BCL2L1: variants seen among roughly 807,000 people sequenced by gnomAD.
BCL2L1 encodes BCL2 like 1, also known as bcl-2-like protein 1.
In BCL2L1, 1 loss-of-function variant was observed where a neutral mutation model predicts 18.7. That is an observed-to-expected ratio of 0.05 (90% confidence interval 0.02 to 0.25). BCL2L1 has a LOEUF of 0.25. Among genes scored for constraint, BCL2L1 ranks in the 10% least tolerant of loss-of-function variants. The probability of loss-of-function intolerance (pLI) is 1.00; values close to 1 mark genes in which losing one functional copy is unlikely to be tolerated. For synonymous variants in BCL2L1, 103 were observed against 122.7 expected (o/e 0.84, Z 1.06); for missense variants, 207 against 304.9 (o/e 0.68, Z 2.39).
At chr20:31,721,511 T>A in intron 2 of BCL2L1, 144 bp downstream of exon 2, 1 of 966,630 alleles carries the variant, frequency 1.0e-6, no homozygotes, top group South Asian at 1.8e-5. Flanking sequence ...CCTCTTGTGG[T>A]GAAATGAGGC....
At chr20:31,687,797 G>A (rs1486601756) in intron 2 of BCL2L1, among the ~76,000 whole-genome samples, 4 of 152,102 alleles carry the variant, frequency 2.6e-5, no homozygotes, top group African/African-American at 9.7e-5. Flanking sequence ...CTTCCAGGCT[G>A]GCTGTTTTGT....
At chr20:31,712,893 T>C (rs2061475540) in intron 2 of BCL2L1, among the ~76,000 whole-genome samples, 1 of 152,138 alleles carries the variant, frequency 6.6e-6, no homozygotes, top group African/African-American at 2.4e-5. Flanking sequence ...ATTCCTCAGA[T>C]GATTGTCCAA....
chr20:31,676,498 C>T (rs966732314), intron 2 of BCL2L1, among the ~76,000 whole-genome samples: 4 of 152,078 alleles, frequency 2.6e-5, no homozygotes, highest in Non-Finnish European at 5.9e-5. Context: ...CCTGGGATTC[C>T]GATGCCTCCC....
At chr20:31,669,572 C>A (rs1326208936) in intron 2 of BCL2L1, among the ~76,000 whole-genome samples, 1 of 151,750 alleles carries the variant, frequency 6.6e-6, no homozygotes, top group Non-Finnish European at 1.5e-5. Flanking sequence ...CCTGCCTCAG[C>A]CCCCCGAGTA....
intron 2 of BCL2L1, among the ~76,000 whole-genome samples, chr20:31,683,694 G>A (rs1473778612): frequency 4.9e-5 from 7 of 142,194 alleles, no homozygotes; most frequent in African/African-American, 1.5e-4. Context: ...GCTTGAACCC[G>A]GGAGTCAGAG....
intron 2 of BCL2L1, among the ~76,000 whole-genome samples, chr20:31,711,874 G>GA (rs2122781432): frequency 6.6e-6 from 1 of 152,336 alleles, no homozygotes; most frequent in Admixed American, 6.5e-5. Context: ...GAATAATCAT[G>GA]ACAATACAGA....
chr20:31,667,288 C>G (rs1185264711), intron 2 of BCL2L1, among the ~76,000 whole-genome samples: 2 of 152,106 alleles, frequency 1.3e-5, no homozygotes, highest in Admixed American at 6.5e-5. Context: ...TGGTGAAACC[C>G]TGTCTCTACT....
intron 2 of BCL2L1, among the ~76,000 whole-genome samples, chr20:31,705,831 G>A (rs2061361710): frequency 6.6e-6 from 1 of 152,102 alleles, no homozygotes; most frequent in Non-Finnish European, 1.5e-5. Context: ...TGAACAAGCA[G>A]GCAGTTTCCT....
At chr20:31,668,602 CCTTT>C (rs2060622424) in intron 2 of BCL2L1, among the ~76,000 whole-genome samples, 1 of 146,004 alleles carries the variant, frequency 6.8e-6, no homozygotes, top group African/African-American at 2.5e-5. Context: ...CCATATCTGG[CCTTT>C]TTTTTTTTTT....
intron 2 of BCL2L1, among the ~76,000 whole-genome samples, chr20:31,672,820 T>C (rs1375561693): frequency 1.3e-5 from 2 of 151,956 alleles, no homozygotes; most frequent in African/African-American, 2.4e-5. Context: ...TTGAATCTGA[T>C]CTTTTAGTTC....
intron 2 of BCL2L1, 179 bp downstream of exon 2, chr20:31,721,476 G>T: frequency 1.4e-6 from 1 of 702,172 alleles, no homozygotes; most frequent in Non-Finnish European, 2.3e-6. Flanking sequence ...GAAGCACAGG[G>T]TCATTTGTAT....
chr20:31,674,798 C>T (rs2060731020), intron 2 of BCL2L1, among the ~76,000 whole-genome samples: 1 of 147,466 alleles, frequency 6.8e-6, no homozygotes, highest in Non-Finnish European at 1.5e-5. Context: ...TTGCTTGAGG[C>T]TGGGAGGTTG....
At chr20:31,697,797 T>C (rs1044666408) in intron 2 of BCL2L1, among the ~76,000 whole-genome samples, 6 of 152,076 alleles carry the variant, frequency 3.9e-5, no homozygotes, top group Non-Finnish European at 2.9e-5. Flanking sequence ...TGGATACCAC[T>C]AGAGCATACC....
chr20:31,702,237 A>C (rs914881451), intron 2 of BCL2L1, among the ~76,000 whole-genome samples: 7 of 152,246 alleles, frequency 4.6e-5, no homozygotes, highest in Non-Finnish European at 1.0e-4. Context: ...GCCAGGATCC[A>C]GAAGCAGCAA....
intron 2 of BCL2L1, chr20:31,720,500 G>C: frequency 1.0e-6 from 1 of 982,872 alleles, no homozygotes; most frequent in Non-Finnish European, 1.2e-6. Context: ...TGAATTCACT[G>C]AAGAGCAAAA....
intron 2 of BCL2L1, among the ~76,000 whole-genome samples, chr20:31,694,035 G>GTTA (rs1293476807): frequency 2.0e-5 from 3 of 152,168 alleles, no homozygotes; most frequent in South Asian, 4.1e-4. Context: ...TGTCCGAAGG[G>GTTA]TTAAGCCTGT....
intron 2 of BCL2L1, among the ~76,000 whole-genome samples, chr20:31,706,530 A>G (rs1395939112): frequency 2.0e-5 from 3 of 152,364 alleles, no homozygotes; most frequent in Admixed American, 6.5e-5. Context: ...AGCTGTTAAG[A>G]GTGAATAAGA....
chr20:31,666,899 C>T (rs2060596906), intron 2 of BCL2L1, among the ~76,000 whole-genome samples: 1 of 152,290 alleles, frequency 6.6e-6, no homozygotes, highest in East Asian at 1.9e-4. Context: ...GAAGGAGGAG[C>T]TGTGGGCTAA....
chr20:31,702,805 C>T (rs1010214693), intron 2 of BCL2L1, among the ~76,000 whole-genome samples: 8 of 151,414 alleles, frequency 5.3e-5, no homozygotes, highest in Non-Finnish European at 1.0e-4. Context: ...AGCCATCGTG[C>T]CCGGCCAGTG....
Sources: allele counts gnomAD v4.1 joint callset (sites outside exome capture counted in the v4.1 genomes callset), GRCh38; gene constraint gnomAD v4.1.1; transcripts MANE v1.5; gene names NCBI Gene and HGNC (gene_info 2026-07-23, HGNC 2026-07-21).